Variants in NRG3 observed in about 807,000 individuals in gnomAD.
The protein encoded by NRG3 is pro-neuregulin-3, membrane-bound isoform.
Under a neutral mutation model 66.9 loss-of-function variants are expected in NRG3, and 31 were observed. The ratio of observed to expected loss-of-function variants is 0.46; its 90% CI spans 0.35 to 0.63. The LOEUF is 0.63. Ranked by LOEUF, NRG3 falls within the 20% of genes least tolerant of loss-of-function variation. The probability of loss-of-function intolerance (pLI) is 0.00; values close to 1 mark genes in which losing one functional copy is unlikely to be tolerated. For synonymous variants in NRG3, 393 were observed against 359.4 expected (o/e 1.09, Z -1.06); for missense variants, 910 against 878.9 (o/e 1.04, Z -0.45).
intron 1 of NRG3, among the ~76,000 whole-genome samples, chr10:82,251,662 G>T: frequency 6.6e-6 from 1 of 152,286 alleles, no homozygotes; most frequent in East Asian, 1.9e-4. Flanking sequence ...AAATTGATCA[G>T]TGTGGGATTT....
At chr10:82,395,694 T>TCATCCACC (rs2086671275) in intron 2 of NRG3, among the ~76,000 whole-genome samples, 1 of 152,056 alleles carries the variant, frequency 6.6e-6, no homozygotes, top group Admixed American at 6.6e-5. Flanking sequence ...ATCCATCCAC[T>TCATCCACC]CATCCACCCA....
intron 1 of NRG3, among the ~76,000 whole-genome samples, chr10:81,958,227 A>G (rs1730405364): frequency 6.6e-6 from 1 of 152,174 alleles, no homozygotes; most frequent in South Asian, 2.1e-4. Flanking sequence ...GTGAATTCAC[A>G]GTTTGGTGGT....
chr10:82,098,052 T>TAC (rs144810914), intron 1 of NRG3, among the ~76,000 whole-genome samples: 23 of 111,754 alleles, frequency 2.1e-4, no homozygotes, highest in African/African-American at 2.8e-4. Flanking sequence ...CTGCCACATA[T>TAC]ATACACACAC....
intron 6 of NRG3, among the ~76,000 whole-genome samples, chr10:82,968,457 A>G (rs1301894328): frequency 6.6e-6 from 1 of 152,238 alleles, no homozygotes; most frequent in East Asian, 1.9e-4. Context: ...AATAATTCAA[A>G]CATATGAAAT....
At chr10:82,773,714 T>A (rs1201449805) in intron 3 of NRG3, among the ~76,000 whole-genome samples, 1 of 152,154 alleles carries the variant, frequency 6.6e-6, no homozygotes, top group Non-Finnish European at 1.5e-5. Flanking sequence ...TTATCTTATA[T>A]CTCTTGCTAG....
chr10:82,061,632 T>G (rs2064146006), intron 1 of NRG3, among the ~76,000 whole-genome samples: 1 of 152,140 alleles, frequency 6.6e-6, no homozygotes, highest in South Asian at 2.1e-4. Flanking sequence ...AAAATCCACT[T>G]GCATGTGTTT....
chr10:82,816,542 C>T (rs2061712201), intron 3 of NRG3, among the ~76,000 whole-genome samples: 1 of 152,222 alleles, frequency 6.6e-6, no homozygotes, highest in South Asian at 2.1e-4. Flanking sequence ...CATGGGCAGC[C>T]ATGGGTGGGC....
At chr10:82,114,086 G>A (rs1233880315) in intron 1 of NRG3, among the ~76,000 whole-genome samples, 3 of 152,062 alleles carry the variant, frequency 2.0e-5, no homozygotes, top group Non-Finnish European at 4.4e-5. Flanking sequence ...TGTAATATGT[G>A]GTCTTTTGTG....
At chr10:82,526,702 A>G (rs1846740833) in intron 2 of NRG3, among the ~76,000 whole-genome samples, 1 of 151,968 alleles carries the variant, frequency 6.6e-6, no homozygotes, top group African/African-American at 2.4e-5. Flanking sequence ...ATTTATATTC[A>G]CCTGGTAACA....
At chr10:82,738,288 A>G (rs2058253272) in intron 2 of NRG3, among the ~76,000 whole-genome samples, 1 of 152,208 alleles carries the variant, frequency 6.6e-6, no homozygotes, top group Non-Finnish European at 1.5e-5. Context: ...AATTTTAAGA[A>G]CCATTATTTA....
At chr10:82,099,438 T>A (rs1421506166) in intron 1 of NRG3, among the ~76,000 whole-genome samples, 2 of 152,168 alleles carry the variant, frequency 1.3e-5, no homozygotes, top group East Asian at 1.9e-4. Flanking sequence ...CAATTCCACA[T>A]TGTCTTAATA....
chr10:81,970,424 T>C (rs954783261), intron 1 of NRG3, among the ~76,000 whole-genome samples: 5 of 152,224 alleles, frequency 3.3e-5, no homozygotes, highest in East Asian at 3.8e-4. Context: ...AGTAAAAGAT[T>C]CTTTTTCTTA....
At chr10:82,251,520 T>C (rs1046216414) in intron 1 of NRG3, among the ~76,000 whole-genome samples, 3 of 152,136 alleles carry the variant, frequency 2.0e-5, no homozygotes, top group African/African-American at 7.2e-5. Flanking sequence ...TCTCCTGCCT[T>C]GAGTCTTGAA....
At chr10:82,507,354 A>G (rs1844779742) in intron 2 of NRG3, among the ~76,000 whole-genome samples, 1 of 152,156 alleles carries the variant, frequency 6.6e-6, no homozygotes, top group South Asian at 2.1e-4. Flanking sequence ...GAGAAGAGGA[A>G]GCTTATGGGC....
At chr10:82,316,881 T>G (rs144010428) in intron 1 of NRG3, among the ~76,000 whole-genome samples, 10 of 152,258 alleles carry the variant, frequency 6.6e-5, no homozygotes, top group African/African-American at 2.4e-4. Context: ...GAGGAAACCA[T>G]GGAGCAGATT....
At chr10:81,956,836 C>T (rs1328174564) in intron 1 of NRG3, among the ~76,000 whole-genome samples, 1 of 152,146 alleles carries the variant, frequency 6.6e-6, no homozygotes, top group African/African-American at 2.4e-5. Flanking sequence ...CCCTATTAGG[C>T]CCTGTGCTAC....
chr10:82,659,409 G>A (rs1413236754), intron 2 of NRG3, among the ~76,000 whole-genome samples: 1 of 152,076 alleles, frequency 6.6e-6, no homozygotes, highest in Admixed American at 6.5e-5. Context: ...TGTAATTCCA[G>A]CACTTTGGGA....
chr10:82,927,811 C>G (rs541119914), intron 4 of NRG3, among the ~76,000 whole-genome samples: 1 of 152,078 alleles, frequency 6.6e-6, no homozygotes, highest in Non-Finnish European at 1.5e-5. Flanking sequence ...CATACGTGTG[C>G]GTGTGTCTTT....
intron 2 of NRG3, among the ~76,000 whole-genome samples, chr10:82,410,842 A>G (rs1225642313): frequency 1.3e-5 from 2 of 152,124 alleles, no homozygotes; most frequent in East Asian, 1.9e-4. Flanking sequence ...AATTAGTCTC[A>G]TGATAGCTGT....
Sources: gnomAD v4.1 joint callset for allele counts (sites outside exome capture counted in the v4.1 genomes callset) on GRCh38, gnomAD v4.1.1 for gene constraint, MANE v1.5 for transcripts, NCBI Gene and HGNC (gene_info 2026-07-23, HGNC 2026-07-21) for gene names.